Variants in DCT observed in about 807,000 individuals in gnomAD.
The protein encoded by DCT is L-dopachrome tautomerase.
In DCT, 47 loss-of-function variants were observed where a neutral mutation model predicts 53.0. The observed-to-expected ratio is 0.89, with a 90% confidence interval of 0.70 to 1.13. DCT has a LOEUF of 1.13. Ranked by LOEUF, DCT falls within the 50% of genes most tolerant of loss-of-function variation. The pLI, the probability that DCT is intolerant of heterozygous loss-of-function variation, is 0.00. For synonymous variants in DCT, 244 were observed against 237.0 expected, an observed-to-expected ratio of 1.03 and a Z score of -0.27; for missense variants, 669 against 637.4, an observed-to-expected ratio of 1.05 and a Z score of -0.53.
At chr13:94,518,510 G>A in the DCT span, among the ~76,000 whole-genome samples, 14 of 152,128 alleles carry the variant, frequency 9.2e-5, no homozygotes, top group African/African-American at 3.1e-4. Context: ...AATCCTTGAC[G>A]TTTTTCTTCT....
At chr13:94,466,791 T>C (rs1884255122) in intron 2 of DCT, 133 bp from the exon 3 acceptor site, 1 of 468,538 alleles carries the variant, frequency 2.1e-6, no homozygotes, top group East Asian at 3.4e-5. Flanking sequence ...AGTTTTGTTG[T>C]TATTTATATC....
chr13:94,450,521 C>A (rs1303468976), intron 6 of DCT, among the ~76,000 whole-genome samples: 2 of 151,970 alleles, frequency 1.3e-5, no homozygotes, highest in South Asian at 4.1e-4. Context: ...GCCTTGTATA[C>A]TATATGTGTG....
At chr13:94,482,262 C>A (rs1566873042), upstream of DCT, among the ~76,000 whole-genome samples, 1 of 152,184 alleles carries the variant, frequency 6.6e-6, no homozygotes, top group Non-Finnish European at 1.5e-5. Flanking sequence ...AGTTTGAGAA[C>A]TAGCTTAAAA....
intron 1 of DCT, among the ~76,000 whole-genome samples, chr13:94,470,715 T>C (rs1884589161): frequency 6.6e-6 from 1 of 152,216 alleles, no homozygotes; most frequent in Non-Finnish European, 1.5e-5. Context: ...CCTCTTTACC[T>C]GCGTGATCCA....
At chr13:94,520,392 G>A in the DCT span, among the ~76,000 whole-genome samples, 1 of 152,174 alleles carries the variant, frequency 6.6e-6, no homozygotes, top group Non-Finnish European at 1.5e-5. Context: ...TCTGGTCAAA[G>A]GCAGAAATTG....
At position 94,438,613 on chromosome 13, in the gene DCT, A is replaced by C. The variant is rs1461895548; in HGVS notation, c.*1285T>G. On this transcript the variant is annotated 3_prime_UTR_variant, in exon 8 of 8. Coordinates refer to ENST00000377028, the MANE Select transcript of DCT (RefSeq NM_001922.5). ...TTCAGTCTCACTCCTGATGCACAGA[A>C]ACCAGATATGAGCAGATGAAATTTG... The C allele has an allele frequency of 2.2e-6, 1 of 456,024 alleles. No individual in the cohort carries two copies. The highest frequency in any genetic ancestry group is 4.4e-6 in the Non-Finnish European group (1 of 226,782). The allele number at this position is 456,024 out of a possible 1,614,324, so 28.2% of individuals were successfully genotyped here.
the DCT span, among the ~76,000 whole-genome samples, chr13:94,533,741 C>G: frequency 6.6e-6 from 1 of 152,038 alleles, no homozygotes; most frequent in Non-Finnish European, 1.5e-5. Context: ...GCCAATATCA[C>G]TGCACTCTAC....
chr13:94,450,664 C>T (rs1413366811), intron 6 of DCT, among the ~76,000 whole-genome samples: 1 of 152,142 alleles, frequency 6.6e-6, no homozygotes, highest in African/African-American at 2.4e-5. Context: ...AAACTCTGAA[C>T]AGATGCAGAG....
At chr13:94,517,819 CTAAT>C in the DCT span, among the ~76,000 whole-genome samples, 5 of 152,182 alleles carry the variant, frequency 3.3e-5, no homozygotes, top group Admixed American at 2.0e-4. Context: ...AATACGTTGA[CTAAT>C]TAATTAAATT....
At chr13:94,466,150 A>G (rs1884207331) in intron 3 of DCT, among the ~76,000 whole-genome samples, 2 of 151,188 alleles carry the variant, frequency 1.3e-5, no homozygotes, top group African/African-American at 4.9e-5. Context: ...ACACTGCACT[A>G]TCTCACTTAT....
intron 7 of DCT, among the ~76,000 whole-genome samples, chr13:94,442,759 C>G (rs1262939568): frequency 1.3e-5 from 2 of 152,186 alleles, no homozygotes; most frequent in African/African-American, 4.8e-5. Flanking sequence ...CTTCATGAAC[C>G]TATCCATCGC....
At position 94,440,027 on chromosome 13, in the gene DCT, C is replaced by T; in HGVS notation, c.1431G>A (p.Met477Ile). ...GACCAACCAAAGCCACCAGTGTTCCCATGACTACTAAGAGAGTTGTGGGCC... is the reference window on the plus strand; with the variant it reads ...GACCAACCAAAGCCACCAGTGTTCCTATGACTACTAAGAGAGTTGTGGGCC... ...PGWPTTLLVV[M>I]GTLVALVGLF... The change falls in exon 8 of 8, where the codon ATG becomes ATA. Residue 477 changes from methionine (M) to isoleucine (I), a missense_variant. By Grantham distance (10) the Met-to-Ile change is conservative. Coordinates refer to ENST00000377028, the MANE Select transcript of DCT (RefSeq NM_001922.5). 2 of 1,614,052 alleles carry T rather than the reference C, an allele frequency of 1.2e-6. No individual in the cohort carries two copies. Among genetic ancestry groups the T allele is most frequent in the African/African-American group, 2.7e-5 (2 of 75,038 alleles).
chr13:94,490,504 C>CAAAAAAAAAAAAAAAAAAAAAAAAAAA, the DCT span, among the ~76,000 whole-genome samples: 23 of 35,486 alleles, frequency 6.5e-4, 4 homozygotes, highest in African/African-American at 1.9e-3. Flanking sequence ...GACTCGGTCT[C>CAAAAAAAAAAAAAAAAAAAAAAAAAAA]AAAAAAAAAA....
At chr13:94,542,008 G>A in the DCT span, among the ~76,000 whole-genome samples, 1 of 152,098 alleles carries the variant, frequency 6.6e-6, no homozygotes, top group Non-Finnish European at 1.5e-5. Flanking sequence ...CCATTTTCTA[G>A]GTAATTTTAT....
In DCT at chr13:94,440,020, G is replaced by A; in HGVS notation, c.1438C>T (p.Leu480=). 1 of 1,614,060 alleles carries A rather than the reference G, an allele frequency of 6.2e-7. No individual in the cohort carries two copies. The highest frequency in any genetic ancestry group is 8.5e-7 in the Non-Finnish European group (1 of 1,179,940). Residue 480 remains leucine, a synonymous_variant, in exon 8 of 8, where the codon CTG becomes TTG. Coordinates refer to ENST00000377028, the MANE Select transcript of DCT (RefSeq NM_001922.5). ...PTTLLVVMGT[L]VALVGLFVLL... ...ACAAAAAGACCAACCAAAGCCACCA[G>A]TGTTCCCATGACTACTAAGAGAGTT...
At chr13:94,522,637 T>C in the DCT span, among the ~76,000 whole-genome samples, 1 of 152,220 alleles carries the variant, frequency 6.6e-6, no homozygotes, top group Non-Finnish European at 1.5e-5. Context: ...AAGTGAGACG[T>C]AGTCCCAACT....
chr13:94,493,908 T>C, the DCT span, among the ~76,000 whole-genome samples: 4 of 152,316 alleles, frequency 2.6e-5, no homozygotes, highest in African/African-American at 9.6e-5. Context: ...AAGTTAATGA[T>C]TGTATCAACA....
At chr13:94,474,035 T>A (rs1437310852) in intron 1 of DCT, among the ~76,000 whole-genome samples, 1 of 152,194 alleles carries the variant, frequency 6.6e-6, no homozygotes, top group Non-Finnish European at 1.5e-5. Flanking sequence ...GCATCTTCCA[T>A]CAATTTAACA....
the DCT span, among the ~76,000 whole-genome samples, chr13:94,490,881 T>C: frequency 8.8e-3 from 1,335 of 152,294 alleles, 25 homozygotes; most frequent in African/African-American, 0.03. Context: ...TATGTAATAT[T>C]TTTGTAATCA....
Sources: allele counts gnomAD v4.1 joint callset (sites outside exome capture counted in the v4.1 genomes callset), GRCh38; gene constraint gnomAD v4.1.1; transcripts MANE v1.5; gene names NCBI Gene and HGNC (gene_info 2026-07-23, HGNC 2026-07-21).